BABAM2: variants seen among roughly 807,000 people sequenced by gnomAD.
The protein encoded by BABAM2 is BRISC and BRCA1 A complex member 2.
Under a neutral mutation model 54.7 loss-of-function variants are expected in BABAM2, and 31 were observed. That is an observed-to-expected ratio of 0.57 (90% CI 0.43 to 0.77). BABAM2 has a LOEUF of 0.77. BABAM2 is among the 30% of genes least tolerant of loss of function. The pLI, the probability that BABAM2 is intolerant of heterozygous loss-of-function variation, is 0.00. For synonymous variants in BABAM2, 167 were observed against 162.9 expected (o/e 1.03, Z -0.19); for missense variants, 364 against 455.8 (o/e 0.80, Z 1.83).
chr2:28,018,666 G>A (rs772218943), intron 4 of BABAM2, among the ~76,000 whole-genome samples: 31 of 151,816 alleles, frequency 2.0e-4, no homozygotes, highest in Admixed American at 1.5e-3. Flanking sequence ...CCACATCCAC[G>A]CCATCTGTTA....
chr2:28,065,713 A>G (rs1037901100), intron 6 of BABAM2, among the ~76,000 whole-genome samples: 10 of 152,214 alleles, frequency 6.6e-5, no homozygotes, highest in African/African-American at 2.4e-4. Context: ...TTAAGGAATT[A>G]TATTTTCTCT....
chr2:28,311,747 G>T (rs546012353), intron 11 of BABAM2, among the ~76,000 whole-genome samples: 19 of 152,332 alleles, frequency 1.2e-4, no homozygotes, highest in African/African-American at 4.6e-4. Context: ...AGTGAAAATT[G>T]TTTAAGGTAG....
chr2:28,026,989 A>ATATATATATATAT, intron 5 of BABAM2, among the ~76,000 whole-genome samples: 1 of 110,044 alleles, frequency 9.1e-6, no homozygotes, highest in South Asian at 2.6e-4. Context: ...AATATATATA[A>ATATATATATATAT]AAATATATAA....
At chr2:28,191,989 A>C (rs768060238) in intron 7 of BABAM2, among the ~76,000 whole-genome samples, 1 of 152,236 alleles carries the variant, frequency 6.6e-6, no homozygotes, top group Admixed American at 6.5e-5. Flanking sequence ...GCTGTTTTCA[A>C]CATGAGCTCA....
chr2:28,291,027 C>T (rs1440331891), intron 10 of BABAM2, among the ~76,000 whole-genome samples: 1 of 152,144 alleles, frequency 6.6e-6, no homozygotes, highest in Non-Finnish European at 1.5e-5. Flanking sequence ...GAAATGAACA[C>T]ATACTGAGTA....
chr2:28,182,906 C>T (rs1255597395), intron 7 of BABAM2, among the ~76,000 whole-genome samples: 1 of 152,096 alleles, frequency 6.6e-6, no homozygotes, highest in Non-Finnish European at 1.5e-5. Flanking sequence ...TGAAGTGTCC[C>T]TCGTGCTTGA....
At chr2:28,083,307 A>G (rs1298741934) in intron 6 of BABAM2, among the ~76,000 whole-genome samples, 1 of 152,066 alleles carries the variant, frequency 6.6e-6, no homozygotes, top group East Asian at 1.9e-4. Flanking sequence ...AAGACCTACT[A>G]CTTCAGTACC....
intron 7 of BABAM2, among the ~76,000 whole-genome samples, chr2:28,231,161 G>A (rs1000326528): frequency 3.9e-5 from 6 of 152,164 alleles, no homozygotes; most frequent in African/African-American, 1.4e-4. Flanking sequence ...GGTCTACACG[G>A]CAGGGTTGTT....
chr2:28,262,097 C>T (rs930872216), intron 10 of BABAM2, among the ~76,000 whole-genome samples: 2 of 152,096 alleles, frequency 1.3e-5, no homozygotes, highest in African/African-American at 2.4e-5. Context: ...AAGATCATTC[C>T]AAGCTGAGAG....
chr2:27,972,629 C>A (rs1001586098), intron 3 of BABAM2, among the ~76,000 whole-genome samples: 26 of 151,886 alleles, frequency 1.7e-4, no homozygotes, highest in African/African-American at 5.1e-4. Context: ...ACATCAGATG[C>A]TAAAGTTTAT....
intron 5 of BABAM2, among the ~76,000 whole-genome samples, chr2:28,030,426 C>A (rs1267413837): frequency 6.6e-6 from 1 of 152,114 alleles, no homozygotes; most frequent in African/African-American, 2.4e-5. Context: ...AATCCTGTAA[C>A]AAGGCAAAGC....
At chr2:27,934,985 A>G (rs1668385993) in intron 3 of BABAM2, among the ~76,000 whole-genome samples, 2 of 152,258 alleles carry the variant, frequency 1.3e-5, no homozygotes, top group Admixed American at 6.5e-5. Context: ...AGTAATTCAG[A>G]TCTAGCTAAG....
In BABAM2 at chr2:28,160,757, TAAAG is replaced by T. The variant is rs1183825371; in HGVS notation, c.680+31379_680+31382del. On this transcript the variant is annotated intron_variant, in intron 7 of 11. Coordinates refer to ENST00000379624, the MANE Select transcript of BABAM2 (RefSeq NM_199191.3). Reference sequence around the variant, plus strand: ...ATTGTTTTTTTTTTTTTTTTTTAAATAAAGAGTAGGTAGGTGGGATGAAATAGTG... The same window carrying T: ...ATTGTTTTTTTTTTTTTTTTTTAAATAGTAGGTAGGTGGGATGAAATAGTG... 9.0e-4 allele frequency among the ~76,000 whole-genome samples: 113 copies of T among 125,418 alleles called. 1 individual carries two copies. Among genetic ancestry groups the T allele is most frequent in the Admixed American group, 4.0e-3 (49 of 12,180 alleles). The allele number at this position is 125,418 out of a possible 152,430, so 82.3% of individuals were successfully genotyped here.
chr2:28,123,920 C>G (rs1278771233), intron 6 of BABAM2, among the ~76,000 whole-genome samples: 1 of 152,166 alleles, frequency 6.6e-6, no homozygotes, highest in African/African-American at 2.4e-5. Context: ...AGGATTGTCT[C>G]TAAGCATTTC....
At chr2:27,958,195 A>G (rs1670226625) in intron 3 of BABAM2, among the ~76,000 whole-genome samples, 1 of 152,184 alleles carries the variant, frequency 6.6e-6, no homozygotes, top group Admixed American at 6.5e-5. Flanking sequence ...GGTTGTTTTA[A>G]GCACTGAGTT....
intron 2 of BABAM2, among the ~76,000 whole-genome samples, chr2:27,899,904 GTGAAAGACCTTGT>G (rs1476546672): frequency 6.6e-6 from 1 of 152,234 alleles, no homozygotes; most frequent in African/African-American, 2.4e-5. Flanking sequence ...ATAAAATGAT[GTGAAAGACCTTGT>G]TAATCTGGAA....
intron 11 of BABAM2, among the ~76,000 whole-genome samples, chr2:28,316,397 TGGG>T (rs1420241099): frequency 4.0e-3 from 75 of 18,914 alleles, no homozygotes; most frequent in Middle Eastern, 0.071. Flanking sequence ...GGAGTGGAAA[TGGG>T]GGTGGGAGTG....
chr2:27,988,418 A>C lies in BABAM2; in HGVS notation c.300+331A>C, dbSNP rs114768073. 5.2e-3 allele frequency among the ~76,000 whole-genome samples: 794 copies of C among 152,218 alleles called. 5 individuals carry two copies. The highest frequency in any genetic ancestry group is 0.018 in the African/African-American group (748 of 41,528). On this transcript the variant is annotated intron_variant, in intron 4 of 11. Transcript: ENST00000379624. The stretch of plus-strand genomic sequence containing the variant: ...TATCATGCCTGCAATCAATTTTCTA[A>C]TGTTTACTAACACTTCATTACAGGG...
intron 7 of BABAM2, among the ~76,000 whole-genome samples, chr2:28,212,576 GTTTATC>G (rs971157446): frequency 3.3e-5 from 5 of 152,082 alleles, no homozygotes; most frequent in African/African-American, 1.2e-4. Context: ...AATATTTCTA[GTTTATC>G]TTTAGCATCA....
Sources: gnomAD v4.1 joint callset for allele counts (sites outside exome capture counted in the v4.1 genomes callset) on GRCh38, gnomAD v4.1.1 for gene constraint, MANE v1.5 for transcripts, NCBI Gene and HGNC (gene_info 2026-07-23, HGNC 2026-07-21) for gene names.